Variants in C1orf116 observed in about 807,000 individuals in gnomAD.
The protein encoded by C1orf116 is chromosome 1 open reading frame 116.
A neutral mutation model predicts 14.1 loss-of-function variants in C1orf116; 12 were observed. That is an observed-to-expected ratio of 0.85 (90% CI 0.54 to 1.38). The LOEUF is 1.38. C1orf116 is among the 40% of genes most tolerant of loss of function. The pLI is 0.00. For synonymous variants in C1orf116, 296 were observed against 299.0 expected, an observed-to-expected ratio of 0.99 and a Z score of 0.10; for missense variants, 797 against 747.0, an observed-to-expected ratio of 1.07 and a Z score of -0.78.
chr1:207,025,636 T>C (rs1400951927), intron 2 of C1orf116, among the ~76,000 whole-genome samples: 1 of 152,250 alleles, frequency 6.6e-6, no homozygotes, highest in African/African-American at 2.4e-5. Flanking sequence ...CAGTAGGAAC[T>C]GTGGCATGAC....
chr1:207,031,460 C>T (rs2791717), intron 1 of C1orf116, among the ~76,000 whole-genome samples: 17,088 of 152,156 alleles, frequency 0.11, 3,141 homozygotes, highest in African/African-American at 0.38. Context: ...GCCTAAATCT[C>T]CAGTTGCCAG....
At position 207,021,764 on chromosome 1, in the gene C1orf116, T is replaced by A; in HGVS notation, c.*194A>T. On this transcript the variant is annotated 3_prime_UTR_variant, in exon 4 of 4. Transcript: ENST00000359470. ...ACACCAAACACACACACACACACCC[T>A]CTTGTGGAGATCACCTTCAGAATGA... 1 of 514,280 alleles carries A rather than the reference T, an allele frequency of 1.9e-6. No individual in the cohort carries two copies. The highest frequency in any genetic ancestry group is 3.2e-6 in the Non-Finnish European group (1 of 308,494). 31.9% of individuals were successfully genotyped at this position (514,280 alleles called of 1,614,324 possible). A position where few individuals can be genotyped will look rare whatever the true frequency, so the allele number is the denominator to read the frequency against.
chr1:207,026,998 G>A (rs987866843), intron 2 of C1orf116, among the ~76,000 whole-genome samples: 1 of 152,196 alleles, frequency 6.6e-6, no homozygotes, highest in Non-Finnish European at 1.5e-5. Context: ...TGAAAACTGA[G>A]GAGGCTAAAG....
rs775622367 is a variant in C1orf116, at chr1:207,022,880, G to A, written c.884C>T (p.Thr295Ile). 7 of 1,613,988 alleles carry A rather than the reference G, an allele frequency of 4.3e-6. No individual in the cohort carries two copies. Among genetic ancestry groups the A allele is most frequent in the African/African-American group, 4.0e-5 (3 of 74,928 alleles). ...AGGTGGCAGCTTCCGGGGCTTAGGG[G>A]TTGTGAGGGGAGCTAGTCGGCTGTT... ...DPNSRLAPLT[T>I]PKPRKLPPNI... The change falls in exon 4 of 4, where the codon ACC becomes ATC. Residue 295 changes from threonine to isoleucine, a missense_variant. Coordinates refer to ENST00000359470, the MANE Select transcript of C1orf116 (RefSeq NM_023938.6).
Position 207,027,586 on chromosome 1 carries a change from C to T in C1orf116, c.13G>A (p.Glu5Lys). 6.2e-7 allele frequency: 1 copy of T among 1,612,728 alleles called. No individual in the cohort carries two copies. The change falls in exon 2 of 4, where the codon GAG becomes AAG. Residue 5 changes from glutamate to lysine, a missense_variant. By Grantham distance (56) the Glu-to-Lys change is moderately conservative. Transcript: ENST00000359470. ...GAGCCAGTCCCCGCTGGCCACAGCT[C>T]CCTCTCGGGCATCACCCGAAACAAG... MPER[E>K]LWPAGTGSEP...
Position 207,021,879 on chromosome 1 carries a change from G to A in C1orf116, c.*79C>T. 1 of 1,394,282 alleles carries A rather than the reference G, an allele frequency of 7.2e-7. No individual in the cohort carries two copies. The highest frequency in any genetic ancestry group is 1.7e-5 in the South Asian group (1 of 60,290). 86.4% of individuals were successfully genotyped at this position (1,394,282 alleles called of 1,614,324 possible). ...TCCCATTCATCTTGAGCCCTGAGTT[G>A]CGTGGTGGCAAAGGCTCCCAAGTGG... On this transcript the variant is annotated 3_prime_UTR_variant, in exon 4 of 4. Coordinates refer to ENST00000359470, the MANE Select transcript of C1orf116 (RefSeq NM_023938.6).
Position 207,022,391 on chromosome 1 carries a change from G to C in C1orf116, c.1373C>G (p.Pro458Arg). ...GAGAGTCAGCCCTGACTCTGGCTTC[G>C]GTGGAGTCAGGGCACTGTTTGCCCT... is the stretch of plus-strand genomic sequence containing the variant. ...APRANSALTP[P>R]KPESGLTLQE... The change falls in exon 4 of 4, where the codon CCG becomes CGG. Residue 458 changes from proline (P) to arginine (R), a missense_variant. Physicochemically the swap from Pro to Arg is moderately radical, Grantham distance 103. Transcript: ENST00000359470. 1.2e-6 allele frequency: 2 copies of C among 1,614,144 alleles called. No individual in the cohort carries two copies. The highest frequency in any genetic ancestry group is 8.5e-7 in the Non-Finnish European group (1 of 1,180,022).
In C1orf116 at chr1:207,023,082, G is replaced by T. The variant is rs1681941388; in HGVS notation, c.682C>A (p.Pro228Thr). The T allele has an allele frequency of 1.2e-6, 2 of 1,612,182 alleles. No homozygotes were observed. The highest frequency in any genetic ancestry group is 2.2e-5 in the South Asian group (2 of 91,062). Reference sequence around the variant, plus strand: ...GAGCTGGATGGTGTGTGGAGCTGGGGTGTGTGGCCCTGCTGTCCTGGCCCC... The same window carrying T: ...GAGCTGGATGGTGTGTGGAGCTGGGTTGTGTGGCCCTGCTGTCCTGGCCCC... ...PEGPGQQGHT[P>T]QLHTPSSSQE... Residue 228 changes from proline to threonine, a missense_variant, in exon 4 of 4, where the codon CCC (proline) becomes ACC (threonine). Pro to Thr is a conservative substitution (Grantham distance 38). Transcript: ENST00000359470.
chr1:207,024,386 G>A (rs534530456), intron 3 of C1orf116, among the ~76,000 whole-genome samples: 5 of 152,292 alleles, frequency 3.3e-5, no homozygotes, highest in African/African-American at 1.2e-4. Flanking sequence ...GTGTTGTTTT[G>A]TTCCCCTTCT....
rs1273797985 is a variant in C1orf116 at position 207,020,138 on chromosome 1, T to C, written c.*1820A>G. On this transcript the variant is annotated 3_prime_UTR_variant, in exon 4 of 4. Coordinates refer to ENST00000359470, the MANE Select transcript of C1orf116 (RefSeq NM_023938.6). ...TGGGGGTGTATAATAAGACATAACT[T>C]GGCCGGTTGTGGGAGTCCTCATCAG... The C allele has an allele frequency of 6.6e-6, 1 of 152,162 alleles. No individual in the cohort carries two copies. Among genetic ancestry groups the C allele is most frequent in the East Asian group, 1.9e-4 (1 of 5,194 alleles). The allele number at this position is 152,162 out of a possible 1,614,324, so 9.4% of individuals were successfully genotyped here.
At position 207,023,432 on chromosome 1, in the gene C1orf116, A is replaced by G; in HGVS notation, c.332T>C (p.Val111Ala). The stretch of plus-strand genomic sequence containing the variant: ...AGGGTGGGATGAGCTGGACTCAGTT[A>G]CTGTCCTTGGCGTTCGTCCTTGCTG... ...ITQQGRTPRT[V>A]TESSSSHPPE... Residue 111 changes from valine (V) to alanine (A), a missense_variant, in exon 4 of 4, where the codon GTA becomes GCA. Val to Ala is a moderately conservative substitution (Grantham distance 64). Coordinates refer to ENST00000359470, the MANE Select transcript of C1orf116 (RefSeq NM_023938.6). 1 of 1,613,668 alleles carries G rather than the reference A, an allele frequency of 6.2e-7. No homozygotes were observed.
In C1orf116 at chr1:207,020,922, C is replaced by T. The variant is rs976651310; in HGVS notation, c.*1036G>A. 3 of 152,228 alleles carry T rather than the reference C, an allele frequency of 2.0e-5. No homozygotes were observed. The highest frequency in any genetic ancestry group is 4.8e-5 in the African/African-American group (2 of 41,446). The allele number at this position is 152,228 out of a possible 1,614,324, so 9.4% of individuals were successfully genotyped here. On this transcript the variant is annotated 3_prime_UTR_variant, in exon 4 of 4. Coordinates refer to ENST00000359470, the MANE Select transcript of C1orf116 (RefSeq NM_023938.6). ...TAGTCACTTCCCTTCCCCAGCAGCA[C>T]TGCGTCAGAGCTTCTCTGAGGCCCC...
Position 207,021,675 on chromosome 1 carries a change from C to G in C1orf116, c.*283G>C. On this transcript the variant is annotated 3_prime_UTR_variant, in exon 4 of 4. Coordinates refer to ENST00000359470, the MANE Select transcript of C1orf116 (RefSeq NM_023938.6). The stretch of plus-strand genomic sequence containing the variant: ...CATCTAACAAGAGCAAAATTCTGAA[C>G]AGTGACTCATTGTGTTATATCAATA... The G allele has an allele frequency of 3.5e-6, 1 of 283,978 alleles. No homozygotes were observed. The highest frequency in any genetic ancestry group is 6.6e-6 in the Non-Finnish European group (1 of 152,204). 17.6% of individuals were successfully genotyped at this position (283,978 alleles called of 1,614,324 possible).
chr1:207,030,773 C>G (rs755664805), intron 1 of C1orf116, among the ~76,000 whole-genome samples: 8 of 152,210 alleles, frequency 5.3e-5, no homozygotes, highest in Non-Finnish European at 8.8e-5. Context: ...AGTTTGGTAT[C>G]TTAACCCTTG....
rs1199212747 is a variant in C1orf116 at position 207,019,279 on chromosome 1, C to T, written c.*2679G>A. On this transcript the variant is annotated 3_prime_UTR_variant, in exon 4 of 4. Transcript: ENST00000359470. ...CATCTGAGGGCACAGACCCCCCTAT[C>T]ATGCCAGGCTGGGAGAGGCCACTCC... is the stretch of plus-strand genomic sequence containing the variant. 6.6e-6 allele frequency: 1 copy of T among 152,326 alleles called. No individual in the cohort carries two copies. Among genetic ancestry groups the T allele is most frequent in the Non-Finnish European group, 1.5e-5 (1 of 68,106 alleles). 9.4% of individuals were successfully genotyped at this position (152,326 alleles called of 1,614,324 possible).
At chr1:207,024,785 G>A (rs1682019567) in intron 3 of C1orf116, 102 bp downstream of exon 3, 1 of 1,385,954 alleles carries the variant, frequency 7.2e-7, no homozygotes, top group Non-Finnish European at 1.0e-6. Flanking sequence ...TCTTCTGCCT[G>A]TGACCCTTGG....
chr1:207,023,588 A>G (rs1221217528), intron 3 of C1orf116, 108 bp from the exon 4 acceptor site: 1 of 1,407,740 alleles, frequency 7.1e-7, no homozygotes, highest in African/African-American at 1.5e-5. Flanking sequence ...CTGATCCCAA[A>G]CTAGCAATGA....
chr1:207,031,691 C>T lies in C1orf116; in HGVS notation c.-82+888G>A, dbSNP rs532937783. Among the ~76,000 whole-genome samples, 31 of 152,346 alleles carry T rather than the reference C, an allele frequency of 2.0e-4. No homozygotes were observed. In the South Asian group the frequency reaches 6.4e-3, roughly 32 times the overall value. ...TCTGCAGGTAAATCTGCCACACAAA[C>T]TGCCAACTGGGACACCTGCAGGAAA... On this transcript the variant is annotated intron_variant, in intron 1 of 3. Coordinates refer to ENST00000359470, the MANE Select transcript of C1orf116 (RefSeq NM_023938.6).
chr1:207,030,433 A>G (rs983603496), intron 1 of C1orf116, among the ~76,000 whole-genome samples: 2 of 152,188 alleles, frequency 1.3e-5, no homozygotes, highest in Non-Finnish European at 2.9e-5. Flanking sequence ...AAACCCTGCA[A>G]ATCATCTGCT....
Sources: allele counts gnomAD v4.1 joint callset (sites outside exome capture counted in the v4.1 genomes callset), GRCh38; gene constraint gnomAD v4.1.1; transcripts MANE v1.5; gene names NCBI Gene and HGNC (gene_info 2026-07-23, HGNC 2026-07-21).